The following CDH13 variants were observed in gnomAD, a reference collection of about 807,000 sequenced individuals.
CDH13 encodes cadherin 13, also known as cadherin-13.
A neutral mutation model predicts 63.8 loss-of-function variants in CDH13; 24 were observed. The ratio of observed to expected loss-of-function variants is 0.38; its 90% CI spans 0.27 to 0.53. The LOEUF (loss-of-function observed/expected upper bound fraction) is 0.53, where lower values mean the gene tolerates loss of function less well. Among genes scored for constraint, CDH13 ranks in the 20% least tolerant of loss-of-function variants. The pLI is 0.85. For synonymous variants in CDH13, 503 were observed against 355.3 expected, an observed-to-expected ratio of 1.42 and a Z score of -4.67; for missense variants, 1,049 against 903.1, an observed-to-expected ratio of 1.16 and a Z score of -2.07.
intron 6 of CDH13, among the ~76,000 whole-genome samples, chr16:83,372,748 C>T (rs1362854993): frequency 1.5e-5 from 1 of 64,616 alleles, no homozygotes; most frequent in Non-Finnish European, 3.0e-5. Flanking sequence ...GAGACTCGGT[C>T]TAAAAAAAAA....
Position 82,644,014 on chromosome 16 carries a change from A to G in CDH13, c.45+16877A>G, listed in dbSNP as rs115291473. On this transcript the variant is annotated intron_variant, in intron 1 of 13. Coordinates refer to ENST00000567109, the MANE Select transcript of CDH13 (RefSeq NM_001257.5). The surrounding 1 kb of genome is among the most constrained non-coding windows in gnomAD (Gnocchi z 5.7). ...ATCCTCCAGGAGTAGCTGGCATTAC[A>G]GGCTTGGCTGACTTTTAAAAGTAGT... is the stretch of plus-strand genomic sequence containing the variant. 0.01 allele frequency among the ~76,000 whole-genome samples: 1,535 copies of G among 152,262 alleles called. 22 individuals are homozygous for G. Among genetic ancestry groups the G allele is most frequent in the African/African-American group, 0.035 (1,449 of 41,550 alleles).
chr16:82,654,962 A>G (rs868515854), intron 1 of CDH13, among the ~76,000 whole-genome samples: 27 of 152,330 alleles, frequency 1.8e-4, no homozygotes, highest in Middle Eastern at 6.8e-3. Context: ...CATAGCAAAT[A>G]AACTGTGGAG....
At chr16:82,748,853 A>G (rs924456664) in intron 1 of CDH13, among the ~76,000 whole-genome samples, 3 of 152,088 alleles carry the variant, frequency 2.0e-5, no homozygotes, top group Admixed American at 6.5e-5. Flanking sequence ...ATTTTAAGCA[A>G]TTTTACTTGA....
At chr16:82,920,581 A>G (rs1597215586) in intron 2 of CDH13, among the ~76,000 whole-genome samples, 1 of 152,234 alleles carries the variant, frequency 6.6e-6, no homozygotes, top group South Asian at 2.1e-4. Flanking sequence ...TTCCTATGGA[A>G]AAGAAAAGAA....
intron 1 of CDH13, among the ~76,000 whole-genome samples, chr16:82,799,266 T>C (rs1415407911): frequency 6.6e-6 from 1 of 152,238 alleles, no homozygotes. Flanking sequence ...TTGTACATAA[T>C]TCATGTGTCA....
intron 5 of CDH13, among the ~76,000 whole-genome samples, chr16:83,263,716 C>G (rs912800528): frequency 6.6e-6 from 1 of 152,170 alleles, no homozygotes; most frequent in Non-Finnish European, 1.5e-5. Flanking sequence ...TTCTCAAACC[C>G]CATGATGAAC....
At chr16:83,152,780 G>C (rs1483042019) in intron 4 of CDH13, among the ~76,000 whole-genome samples, 1 of 152,148 alleles carries the variant, frequency 6.6e-6, no homozygotes, top group Non-Finnish European at 1.5e-5. Flanking sequence ...GGCTTTCCTT[G>C]GAAATAGGGT....
intron 5 of CDH13, among the ~76,000 whole-genome samples, chr16:83,287,436 G>A (rs145141257): frequency 0.01 from 1,559 of 152,274 alleles, 28 homozygotes; most frequent in African/African-American, 0.035. Context: ...ACTCCCCATC[G>A]CTTGCACTAC....
intron 1 of CDH13, among the ~76,000 whole-genome samples, chr16:82,784,205 A>T (rs138917657): frequency 2.6e-5 from 4 of 152,160 alleles, no homozygotes; most frequent in Admixed American, 2.6e-4. Context: ...CTGCTCAGAA[A>T]CTCAGGCTGA....
chr16:83,176,226 T>C (rs1380595600), intron 4 of CDH13, among the ~76,000 whole-genome samples: 1 of 151,716 alleles, frequency 6.6e-6, no homozygotes. Context: ...TACTTAAAGA[T>C]TGTGGCTACG....
At chr16:82,952,733 C>A (rs560751643) in intron 2 of CDH13, among the ~76,000 whole-genome samples, 63 of 152,222 alleles carry the variant, frequency 4.1e-4, no homozygotes, top group South Asian at 3.7e-3. Flanking sequence ...GCCCACTGGC[C>A]CCTCCAGGTC....
chr16:83,402,638 G>T (rs764438626), intron 6 of CDH13, among the ~76,000 whole-genome samples: 1 of 152,144 alleles, frequency 6.6e-6, no homozygotes, highest in African/African-American at 2.4e-5. Context: ...TTGATAAATC[G>T]TTGATAATAT....
At chr16:83,060,877 AC>A (rs1158180075) in intron 3 of CDH13, among the ~76,000 whole-genome samples, 1 of 151,978 alleles carries the variant, frequency 6.6e-6, no homozygotes, top group Non-Finnish European at 1.5e-5. Flanking sequence ...CCCTTAAACA[AC>A]CTATTCCAAC....
Position 83,799,972 on chromosome 16 carries a change from T to C in CDH13, c.*4942T>C, listed in dbSNP as rs1349496861. ...ATTTAAGAAGAGTCAGTCTATAATTTAAGCAGAAATAATTGAGATACTCAT... is the reference window on the plus strand; with the variant it reads ...ATTTAAGAAGAGTCAGTCTATAATTCAAGCAGAAATAATTGAGATACTCAT... On this transcript the variant is annotated 3_prime_UTR_variant, in exon 14 of 14. Transcript: ENST00000567109. The C allele has an allele frequency of 6.6e-6, 1 of 152,174 alleles. No individual in the cohort carries two copies. The highest frequency in any genetic ancestry group is 1.5e-5 in the Non-Finnish European group (1 of 68,014). 9.4% of individuals were successfully genotyped at this position (152,174 alleles called of 1,614,324 possible).
intron 7 of CDH13, among the ~76,000 whole-genome samples, chr16:83,512,397 G>T (rs1018825932): frequency 6.7e-6 from 1 of 149,880 alleles, no homozygotes; most frequent in Non-Finnish European, 1.5e-5. Context: ...AGGGCTGGGC[G>T]TGGTGGCTCA....
At chr16:83,179,114 C>T (rs1305080562) in intron 4 of CDH13, among the ~76,000 whole-genome samples, 1 of 152,046 alleles carries the variant, frequency 6.6e-6, no homozygotes, top group Non-Finnish European at 1.5e-5. Context: ...GTGGTGGTGG[C>T]CTAGTAGGAC....
At chr16:82,954,259 T>G (rs144785709) in intron 2 of CDH13, 3 of 152,242 alleles carry the variant, frequency 2.0e-5, no homozygotes, top group Non-Finnish European at 4.4e-5. Flanking sequence ...TTGTAATTAG[T>G]TCAGAGCTGC....
At chr16:83,197,146 A>G (rs539080114) in intron 4 of CDH13, among the ~76,000 whole-genome samples, 2 of 152,314 alleles carry the variant, frequency 1.3e-5, no homozygotes, top group South Asian at 4.2e-4. Flanking sequence ...ACTTGGAAGA[A>G]TCTCCAGGGA....
At chr16:83,624,958 A>G (rs1292571218) in intron 8 of CDH13, among the ~76,000 whole-genome samples, 1 of 152,142 alleles carries the variant, frequency 6.6e-6, no homozygotes, top group African/African-American at 2.4e-5. Flanking sequence ...GGGAGAGCTG[A>G]TTGCCGCATG....
Sources: allele counts gnomAD v4.1 joint callset (sites outside exome capture counted in the v4.1 genomes callset), GRCh38; gene constraint gnomAD v4.1.1; non-coding constraint Gnocchi (gnomAD v3.1); transcripts MANE v1.5; gene names NCBI Gene and HGNC (gene_info 2026-07-23, HGNC 2026-07-21).